The following SLC35F4 variants were observed in gnomAD, a reference collection of about 807,000 sequenced individuals.
SLC35F4 encodes the protein chromosome 14 open reading frame 36.
Under a neutral mutation model 44.2 loss-of-function variants are expected in SLC35F4, and 24 were observed. The ratio of observed to expected loss-of-function variants is 0.54; its 90% CI spans 0.39 to 0.76. The LOEUF (loss-of-function observed/expected upper bound fraction) is 0.76. Ranked by LOEUF, SLC35F4 falls within the 30% of genes least tolerant of loss-of-function variation. The probability of loss-of-function intolerance (pLI) is 0.00; values close to 1 mark genes in which losing one functional copy is unlikely to be tolerated. For missense variants in SLC35F4, 562 were observed against 586.1 expected (o/e 0.96, Z 0.42); for synonymous variants, 238 against 223.6 (o/e 1.06, Z -0.57).
intron 1 of SLC35F4, among the ~76,000 whole-genome samples, chr14:57,679,548 G>A (rs2074819747): frequency 1.3e-5 from 2 of 151,904 alleles, no homozygotes; most frequent in Admixed American, 6.6e-5. Context: ...AGGAGAGAGC[G>A]ACACAAAAGA....
intron 1 of SLC35F4, among the ~76,000 whole-genome samples, chr14:57,864,698 G>A (rs1426348970): frequency 6.6e-6 from 1 of 152,198 alleles, no homozygotes. Context: ...GAGCTTCCAA[G>A]CTTCTGACAA....
chr14:57,822,580 A>C (rs756592303), intron 1 of SLC35F4, among the ~76,000 whole-genome samples: 21 of 152,116 alleles, frequency 1.4e-4, no homozygotes, highest in Non-Finnish European at 2.8e-4. Context: ...AAAACCCAAC[A>C]TATTACTAGC....
intron 1 of SLC35F4, among the ~76,000 whole-genome samples, chr14:57,753,199 A>C (rs1004646313): frequency 5.3e-5 from 8 of 152,188 alleles, no homozygotes. Context: ...GTTTCTGCAA[A>C]GATGGCATGT....
chr14:57,619,790 C>A (rs1351108882), intron 1 of SLC35F4, among the ~76,000 whole-genome samples: 6 of 151,820 alleles, frequency 4.0e-5, no homozygotes, highest in African/African-American at 4.8e-5. Flanking sequence ...AGCTAAGAAC[C>A]CTGAAAAAAG....
intron 1 of SLC35F4, among the ~76,000 whole-genome samples, chr14:57,977,492 T>G (rs7158982): frequency 0.36 from 54,663 of 151,992 alleles, 10,443 homozygotes; most frequent in African/African-American, 0.5. Context: ...TACTGGGAAC[T>G]GATAGAAAGT....
At chr14:57,753,904 G>A (rs1252863294) in intron 1 of SLC35F4, among the ~76,000 whole-genome samples, 1 of 152,018 alleles carries the variant, frequency 6.6e-6, no homozygotes, top group Admixed American at 6.6e-5. Context: ...TATGATTGGT[G>A]TCTGAGCAGC....
At chr14:57,704,686 A>G (rs1045183551) in intron 1 of SLC35F4, among the ~76,000 whole-genome samples, 7 of 152,126 alleles carry the variant, frequency 4.6e-5, no homozygotes, top group Non-Finnish European at 1.0e-4. Context: ...ATCAGTAGCT[A>G]AGATATACTC....
At chr14:57,668,762 A>C (rs896236625) in intron 1 of SLC35F4, among the ~76,000 whole-genome samples, 1 of 152,050 alleles carries the variant, frequency 6.6e-6, no homozygotes, top group African/African-American at 2.4e-5. Flanking sequence ...GTCAGGTAGC[A>C]TGATGCCTCC....
chr14:57,817,463 A>G (rs1425165266), intron 1 of SLC35F4, among the ~76,000 whole-genome samples: 1 of 152,114 alleles, frequency 6.6e-6, no homozygotes, highest in Non-Finnish European at 1.5e-5. Flanking sequence ...TTTCATCCCA[A>G]GAGCTACCAT....
chr14:57,958,530 T>G (rs1490619840), intron 1 of SLC35F4, among the ~76,000 whole-genome samples: 1 of 149,630 alleles, frequency 6.7e-6, no homozygotes, highest in Admixed American at 6.6e-5. Context: ...TGCTAGTGGA[T>G]ACAGAGTTTC....
At chr14:57,645,798 T>G (rs1397815278) in intron 1 of SLC35F4, among the ~76,000 whole-genome samples, 1 of 151,412 alleles carries the variant, frequency 6.6e-6, no homozygotes, top group Non-Finnish European at 1.5e-5. Context: ...ATACGTCCCA[T>G]CAGTACCTAA....
intron 1 of SLC35F4, among the ~76,000 whole-genome samples, chr14:57,809,792 G>A (rs1376565353): frequency 6.6e-6 from 1 of 152,138 alleles, no homozygotes; most frequent in Non-Finnish European, 1.5e-5. Context: ...GCTTCCAGAA[G>A]CTGACAAAAT....
intron 1 of SLC35F4, among the ~76,000 whole-genome samples, chr14:57,858,377 G>GT (rs976592465): frequency 2.0e-5 from 3 of 151,966 alleles, no homozygotes; most frequent in Non-Finnish European, 4.4e-5. Flanking sequence ...CATGTCCTTT[G>GT]TAGGGACATG....
chr14:57,835,853 A>G (rs867638313), intron 1 of SLC35F4, among the ~76,000 whole-genome samples: 18 of 152,368 alleles, frequency 1.2e-4, no homozygotes, highest in Middle Eastern at 6.8e-3. Context: ...TCTAGTCTCC[A>G]AATGATTTCA....
At chr14:57,606,477 G>C (rs2071172134) in intron 1 of SLC35F4, among the ~76,000 whole-genome samples, 1 of 152,154 alleles carries the variant, frequency 6.6e-6, no homozygotes, top group Non-Finnish European at 1.5e-5. Flanking sequence ...TGTTGAGCTT[G>C]CTTCCCTGAA....
chr14:57,940,416 G>A (rs1415513450), intron 1 of SLC35F4, among the ~76,000 whole-genome samples: 1 of 151,734 alleles, frequency 6.6e-6, no homozygotes, highest in Non-Finnish European at 1.5e-5. Context: ...TTTTTTTTAA[G>A]TTGAAGCTTT....
chr14:57,746,235 A>T (rs946731956), intron 1 of SLC35F4, among the ~76,000 whole-genome samples: 39 of 148,646 alleles, frequency 2.6e-4, no homozygotes, highest in Non-Finnish European at 4.2e-4. Context: ...AAGTATAATT[A>T]AAAAAAAAAG....
At chr14:57,861,104 T>G (rs1286010834) in intron 1 of SLC35F4, among the ~76,000 whole-genome samples, 1 of 152,212 alleles carries the variant, frequency 6.6e-6, no homozygotes, top group East Asian at 1.9e-4. Flanking sequence ...CCAGACAACC[T>G]GAGCGCACTT....
intron 1 of SLC35F4, among the ~76,000 whole-genome samples, chr14:57,771,936 A>C (rs1222646014): frequency 1.3e-5 from 2 of 152,270 alleles, no homozygotes; most frequent in African/African-American, 2.4e-5. Flanking sequence ...TTTGTAGATA[A>C]GGGTATCTGT....
Sources: allele counts gnomAD v4.1 joint callset (sites outside exome capture counted in the v4.1 genomes callset), GRCh38; gene constraint gnomAD v4.1.1; transcripts MANE v1.5; gene names NCBI Gene and HGNC (gene_info 2026-07-23, HGNC 2026-07-21).